DLGAP2: variants seen among roughly 807,000 people sequenced by gnomAD.
DLGAP2 encodes DLG associated protein 2, also known as disks large-associated protein 2.
Under a neutral mutation model 100.3 loss-of-function variants are expected in DLGAP2, and 26 were observed. The observed-to-expected ratio is 0.26, with a 90% CI of 0.19 to 0.36. The LOEUF (loss-of-function observed/expected upper bound fraction) is 0.36, where lower values mean the gene tolerates loss of function less well. Among genes scored for constraint, DLGAP2 ranks in the 10% least tolerant of loss-of-function variants. The pLI, the probability that DLGAP2 is intolerant of heterozygous loss-of-function variation, is 1.00. For synonymous variants in DLGAP2, 886 were observed against 630.1 expected (o/e 1.41, Z -6.08); for missense variants, 1,858 against 1,453.2 (o/e 1.28, Z -4.53).
intron 1 of DLGAP2, among the ~76,000 whole-genome samples, chr8:897,149 A>G (rs770519558): frequency 6.6e-6 from 1 of 152,080 alleles, no homozygotes; most frequent in Non-Finnish European, 1.5e-5. Context: ...ACAAACGCTG[A>G]TGTTTCATGG....
intron 8 of DLGAP2, among the ~76,000 whole-genome samples, chr8:1,640,956 C>T (rs554965376): frequency 1.3e-5 from 2 of 152,306 alleles, no homozygotes; most frequent in Admixed American, 6.5e-5. Flanking sequence ...CCGGTTGGCC[C>T]TGGGGACCGG....
chr8:1,069,828 C>A (rs1027750407), intron 2 of DLGAP2, among the ~76,000 whole-genome samples: 1 of 152,192 alleles, frequency 6.6e-6, no homozygotes, highest in Non-Finnish European at 1.5e-5. Flanking sequence ...GAGGAGGATG[C>A]TGTGAGGGCC....
At chr8:1,323,787 GAAGA>G (rs1238936732) in intron 3 of DLGAP2, among the ~76,000 whole-genome samples, 1 of 152,188 alleles carries the variant, frequency 6.6e-6, no homozygotes, top group Admixed American at 6.5e-5. Context: ...TTGGATCTTT[GAAGA>G]AAGAGTTTCA....
At chr8:1,331,275 C>G (rs1298728904) in intron 3 of DLGAP2, among the ~76,000 whole-genome samples, 1 of 152,176 alleles carries the variant, frequency 6.6e-6, no homozygotes, top group Non-Finnish European at 1.5e-5. Context: ...TTCAGAGGTC[C>G]TGGAAGCCAC....
At chr8:1,575,219 C>T (rs536801988) in intron 6 of DLGAP2, among the ~76,000 whole-genome samples, 1 of 152,252 alleles carries the variant, frequency 6.6e-6, no homozygotes, top group African/African-American at 2.4e-5. Context: ...CGATTGTGAG[C>T]AGTGCTGTGG....
At chr8:1,380,347 C>T (rs780402922) in intron 3 of DLGAP2, 8 of 152,264 alleles carry the variant, frequency 5.3e-5, no homozygotes, top group Middle Eastern at 3.4e-3. Context: ...ACCTGGTTAA[C>T]GGAAGCAGCC....
intron 1 of DLGAP2, among the ~76,000 whole-genome samples, chr8:835,084 C>G (rs994249855): frequency 6.6e-6 from 1 of 152,056 alleles, no homozygotes; most frequent in Non-Finnish European, 1.5e-5. Context: ...TTGGTGTGCA[C>G]GTGTGTTAAT....
intron 2 of DLGAP2, among the ~76,000 whole-genome samples, chr8:1,233,684 G>C (rs1480616715): frequency 6.6e-6 from 1 of 152,190 alleles, no homozygotes; most frequent in Non-Finnish European, 1.5e-5. Flanking sequence ...GATGATCTCA[G>C]TGCCTAAGAG....
At chr8:812,600 A>T (rs1796392815) in intron 1 of DLGAP2, among the ~76,000 whole-genome samples, 1 of 152,238 alleles carries the variant, frequency 6.6e-6, no homozygotes, top group African/African-American at 2.4e-5. Flanking sequence ...GATGCCTGTG[A>T]CATTTCAATT....
At chr8:1,384,401 G>A (rs1177044653) in intron 3 of DLGAP2, among the ~76,000 whole-genome samples, 2 of 107,928 alleles carry the variant, frequency 1.9e-5, no homozygotes, top group Non-Finnish European at 4.1e-5. Flanking sequence ...CTGAGAACTT[G>A]GTGCTCAGTT....
chr8:765,891 G>A (rs1455696902), intron 1 of DLGAP2, among the ~76,000 whole-genome samples: 5 of 152,048 alleles, frequency 3.3e-5, no homozygotes, highest in Admixed American at 6.6e-5. Flanking sequence ...ACATATGGCC[G>A]GGTGCGGTGG....
intron 4 of DLGAP2, among the ~76,000 whole-genome samples, chr8:1,502,880 A>T (rs1216169098): frequency 6.6e-6 from 1 of 152,174 alleles, no homozygotes; most frequent in East Asian, 1.9e-4. Flanking sequence ...CTGGGGCAGC[A>T]GGAGGTACCT....
intron 3 of DLGAP2, among the ~76,000 whole-genome samples, chr8:1,350,128 G>T (rs1039089478): frequency 3.3e-5 from 5 of 152,254 alleles, no homozygotes; most frequent in Admixed American, 2.0e-4. Context: ...TTATTAAACT[G>T]CAGGAAGAAA....
chr8:1,522,636 T>A (rs1297948315), intron 4 of DLGAP2, among the ~76,000 whole-genome samples: 1 of 152,220 alleles, frequency 6.6e-6, no homozygotes, highest in Non-Finnish European at 1.5e-5. Flanking sequence ...GGGACGCCTG[T>A]AAAGTCACCA....
At chr8:1,579,906 GGAGGA>G (rs2130633810) in intron 6 of DLGAP2, among the ~76,000 whole-genome samples, 1 of 152,320 alleles carries the variant, frequency 6.6e-6, no homozygotes, top group South Asian at 2.1e-4. Context: ...AGGCTGCTCT[GGAGGA>G]GGTAAAGTGT....
At chr8:1,365,072 A>G (rs900659146) in intron 3 of DLGAP2, among the ~76,000 whole-genome samples, 2 of 152,034 alleles carry the variant, frequency 1.3e-5, no homozygotes, top group African/African-American at 4.8e-5. Context: ...CCATAGAGAA[A>G]CCCCGCAAGG....
At chr8:1,018,791 A>G (rs1258787190) in intron 2 of DLGAP2, 2 of 152,190 alleles carry the variant, frequency 1.3e-5, no homozygotes. Context: ...AGTCTTTGCT[A>G]TTTGAGATTT....
intron 3 of DLGAP2, among the ~76,000 whole-genome samples, chr8:1,376,047 ACC>A (rs1563114075): frequency 3.1e-4 from 5 of 16,024 alleles, no homozygotes; most frequent in South Asian, 2.9e-3. Context: ...GGTTAACGAC[ACC>A]TCTCCACGGC....
intron 1 of DLGAP2, among the ~76,000 whole-genome samples, chr8:898,007 G>C (rs1324118132): frequency 6.6e-6 from 1 of 151,892 alleles, no homozygotes; most frequent in Non-Finnish European, 1.5e-5. Context: ...AGCTGCTGGA[G>C]TGAGCTCCCG....
Sources: gnomAD v4.1 joint callset for allele counts (sites outside exome capture counted in the v4.1 genomes callset) on GRCh38, gnomAD v4.1.1 for gene constraint, MANE v1.5 for transcripts, NCBI Gene and HGNC (gene_info 2026-07-23, HGNC 2026-07-21) for gene names.